The following NR6A1 variants were observed in gnomAD, a reference collection of about 807,000 sequenced individuals.
NR6A1 encodes retinoic acid receptor-related testis-associated receptor.
NR6A1 carries 7 observed loss-of-function variants against 59.1 expected under a neutral mutation model. The ratio of observed to expected loss-of-function variants is 0.12; its 90% CI spans 0.07 to 0.22. The LOEUF is 0.22. NR6A1 is among the 10% of genes least tolerant of loss of function. NR6A1 has a pLI of 1.00. For missense variants in NR6A1, 468 were observed against 611.6 expected, an observed-to-expected ratio of 0.77 and a Z score of 2.48; for synonymous variants, 243 against 236.1, an observed-to-expected ratio of 1.03 and a Z score of -0.27.
intron 2 of NR6A1, among the ~76,000 whole-genome samples, chr9:124,602,742 C>G (rs774650646): frequency 5.3e-5 from 8 of 152,100 alleles, no homozygotes; most frequent in Non-Finnish European, 1.0e-4. Flanking sequence ...AGATAAAATG[C>G]CCCCATTAAG....
chr9:124,702,282 T>A (rs996540775), intron 2 of NR6A1, among the ~76,000 whole-genome samples: 9 of 152,168 alleles, frequency 5.9e-5, no homozygotes, highest in Admixed American at 5.9e-4. Context: ...ACTTTTTGTG[T>A]CTAGTGTAAA....
chr9:124,541,456 G>T (rs1395087960), intron 4 of NR6A1, among the ~76,000 whole-genome samples: 1 of 151,998 alleles, frequency 6.6e-6, no homozygotes, highest in Non-Finnish European at 1.5e-5. Context: ...TCTGTTGTAT[G>T]TAAAAGAACA....
chr9:124,570,441 A>T (rs1212976638), intron 2 of NR6A1, among the ~76,000 whole-genome samples: 1 of 152,236 alleles, frequency 6.6e-6, no homozygotes, highest in Non-Finnish European at 1.5e-5. Flanking sequence ...TGATGCCATT[A>T]ACTGTGTAGG....
At chr9:124,694,375 C>T (rs1240715341) in intron 2 of NR6A1, among the ~76,000 whole-genome samples, 1 of 152,120 alleles carries the variant, frequency 6.6e-6, no homozygotes, top group Non-Finnish European at 1.5e-5. Flanking sequence ...ATATCATAGA[C>T]TTCCACAACA....
intron 2 of NR6A1, among the ~76,000 whole-genome samples, chr9:124,606,545 A>G (rs1835579421): frequency 6.6e-6 from 1 of 152,238 alleles, no homozygotes; most frequent in Admixed American, 6.5e-5. Context: ...TATACTTTGG[A>G]GTCAGACAAA....
In NR6A1 at chr9:124,526,772, C is replaced by T. The variant is rs1832950253; in HGVS notation, c.1201+7G>A. 1.2e-6 allele frequency: 2 copies of T among 1,612,966 alleles called. No individual in the cohort carries two copies. The highest frequency in any genetic ancestry group is 1.7e-6 in the Non-Finnish European group (2 of 1,179,212). ...CAAACGTCCCTTTTCCCACCCCAGC[C>T]ACTCACCTTGATTTAGGAAGTTAAT... is the stretch of plus-strand genomic sequence containing the variant. On this transcript the variant is annotated splice_region_variant and intron_variant, in intron 8 of 9. Coordinates refer to ENST00000487099, the MANE Select transcript of NR6A1 (RefSeq NM_033334.4).
chr9:124,760,359 A>G (rs1192248288), intron 1 of NR6A1, among the ~76,000 whole-genome samples: 1 of 152,094 alleles, frequency 6.6e-6, no homozygotes, highest in Non-Finnish European at 1.5e-5. Flanking sequence ...AGCCAGCATG[A>G]GAGAAAAGAA....
At chr9:124,522,920 AG>A (rs1277509626) in intron 9 of NR6A1, 127 bp from the exon 10 acceptor site, 6 of 674,588 alleles carry the variant, frequency 8.9e-6, no homozygotes, top group Admixed American at 2.2e-5. Flanking sequence ...AAGTGCCAGG[AG>A]TATCACAAAG....
At chr9:124,716,881 C>A (rs1227973196) in intron 2 of NR6A1, among the ~76,000 whole-genome samples, 9 of 152,336 alleles carry the variant, frequency 5.9e-5, no homozygotes, top group South Asian at 2.1e-4. Context: ...AAGCAATCCA[C>A]CTGCCTTGGC....
chr9:124,676,706 C>T (rs1469958474), intron 2 of NR6A1, among the ~76,000 whole-genome samples: 2 of 152,174 alleles, frequency 1.3e-5, no homozygotes, highest in Non-Finnish European at 2.9e-5. Flanking sequence ...GTGATGATTA[C>T]TTTCTTGTTT....
intron 2 of NR6A1, among the ~76,000 whole-genome samples, chr9:124,721,913 G>A (rs986790713): frequency 6.6e-6 from 1 of 152,122 alleles, no homozygotes; most frequent in Non-Finnish European, 1.5e-5. Flanking sequence ...GGTACTTTGG[G>A]GTGAGTCATT....
In NR6A1 at chr9:124,637,591, A is replaced by C. The variant is rs542465401; in HGVS notation, c.143-83021T>G. 2.0e-5 allele frequency among the ~76,000 whole-genome samples: 3 copies of C among 152,290 alleles called. No homozygotes were observed. In the South Asian group the frequency reaches 6.2e-4, roughly 32 times the overall value. On this transcript the variant is annotated intron_variant, in intron 2 of 9. Transcript: ENST00000487099. ...GACTCCAAACTCTACACCATCTCCC[A>C]GAAAAAGAACTCCAACTGGCCAGGT... is the stretch of plus-strand genomic sequence containing the variant.
chr9:124,662,461 T>C (rs1202963468), intron 2 of NR6A1, among the ~76,000 whole-genome samples: 1 of 152,178 alleles, frequency 6.6e-6, no homozygotes, highest in Non-Finnish European at 1.5e-5. Context: ...CCTGCAGGAT[T>C]TATATAGAAC....
At chr9:124,585,573 A>G (rs1255096892) in intron 2 of NR6A1, among the ~76,000 whole-genome samples, 3 of 139,102 alleles carry the variant, frequency 2.2e-5, no homozygotes, top group East Asian at 4.4e-4. Flanking sequence ...GGGGGGGGCA[A>G]GGTGAAGCAG....
chr9:124,728,882 T>C (rs886924520), intron 2 of NR6A1, among the ~76,000 whole-genome samples: 3 of 152,170 alleles, frequency 2.0e-5, no homozygotes, highest in Admixed American at 6.5e-5. Context: ...AAGATTTGAT[T>C]TTCTTATACT....
chr9:124,620,544 A>T lies in NR6A1; in HGVS notation c.143-65974T>A, dbSNP rs556493075. Among the ~76,000 whole-genome samples, 363 of 152,328 alleles carry T rather than the reference A, an allele frequency of 2.4e-3. 1 individual carries two copies. The highest frequency in any genetic ancestry group is 3.8e-3 in the Non-Finnish European group (258 of 68,036). ...TATGGCACGGACAAACTTCAAAACCACCATGCTACGTGAAAGCAGCAAGAC... is the reference window on the plus strand; with the variant it reads ...TATGGCACGGACAAACTTCAAAACCTCCATGCTACGTGAAAGCAGCAAGAC... On this transcript the variant is annotated intron_variant, in intron 2 of 9. Coordinates refer to ENST00000487099, the MANE Select transcript of NR6A1 (RefSeq NM_033334.4).
chr9:124,643,067 A>G (rs910743048), intron 2 of NR6A1, among the ~76,000 whole-genome samples: 4 of 133,844 alleles, frequency 3.0e-5, no homozygotes, highest in Non-Finnish European at 6.2e-5. Context: ...TCAAGTGAGT[A>G]CCAGTTACAT....
At chr9:124,574,838 G>A (rs1345260507) in intron 2 of NR6A1, among the ~76,000 whole-genome samples, 1 of 152,182 alleles carries the variant, frequency 6.6e-6, no homozygotes, top group African/African-American at 2.4e-5. Context: ...CGTTTTAAAT[G>A]AATGCAATAG....
chr9:124,628,757 C>T (rs1836331818), intron 2 of NR6A1, among the ~76,000 whole-genome samples: 1 of 152,152 alleles, frequency 6.6e-6, no homozygotes, highest in Non-Finnish European at 1.5e-5. Flanking sequence ...TCTCCTGCCT[C>T]AGTCTCCTGA....
Sources: gnomAD v4.1 joint callset for allele counts (sites outside exome capture counted in the v4.1 genomes callset) on GRCh38, gnomAD v4.1.1 for gene constraint, MANE v1.5 for transcripts, NCBI Gene and HGNC (gene_info 2026-07-23, HGNC 2026-07-21) for gene names.